CPQ: variants seen among roughly 807,000 people sequenced by gnomAD.
CPQ encodes the protein carboxypeptidase Q, also known as Ser-Met dipeptidase.
CPQ carries 37 observed loss-of-function variants against 45.7 expected under a neutral mutation model. The ratio of observed to expected loss-of-function variants is 0.81; its 90% CI spans 0.62 to 1.07. The LOEUF (loss-of-function observed/expected upper bound fraction) is 1.07, where lower values mean the gene tolerates loss of function less well. Ranked by LOEUF, CPQ falls within the 50% of genes least tolerant of loss-of-function variation. The probability of loss-of-function intolerance (pLI) is 0.00; values close to 1 mark genes in which losing one functional copy is unlikely to be tolerated. For missense variants in CPQ, 537 were observed against 572.9 expected (o/e 0.94, Z 0.64); for synonymous variants, 186 against 205.8 (o/e 0.90, Z 0.82).
intron 1 of CPQ, among the ~76,000 whole-genome samples, chr8:96,741,451 G>C (rs1810090431): frequency 6.6e-6 from 1 of 152,060 alleles, no homozygotes; most frequent in African/African-American, 2.4e-5. Flanking sequence ...ATTTTTTGAA[G>C]GGTTTTTTGT....
intron 1 of CPQ, among the ~76,000 whole-genome samples, chr8:96,717,062 T>A (rs1398648424): frequency 9.5e-6 from 1 of 104,776 alleles, no homozygotes; most frequent in African/African-American, 4.7e-5. Context: ...TATATATATA[T>A]ATATATATAT....
chr8:96,902,400 C>T (rs906612260), intron 4 of CPQ, among the ~76,000 whole-genome samples: 4 of 152,182 alleles, frequency 2.6e-5, no homozygotes, highest in African/African-American at 9.6e-5. Flanking sequence ...GACTTCAAAC[C>T]TCGATAGACT....
chr8:96,853,042 T>G lies in CPQ; in HGVS notation c.641+17862T>G, dbSNP rs552444387. Reference sequence around the variant, plus strand: ...TCTTAATTGTGAGCCCTAAACTGATTGTGTAATTCCAGTTGTTTACTAAAA... The same window carrying G: ...TCTTAATTGTGAGCCCTAAACTGATGGTGTAATTCCAGTTGTTTACTAAAA... On this transcript the variant is annotated intron_variant, in intron 3 of 7. Transcript: ENST00000220763. Among the ~76,000 whole-genome samples, 8 of 152,354 alleles carry G rather than the reference T, an allele frequency of 5.3e-5. No individual in the cohort carries two copies. In the East Asian group the frequency reaches 1.5e-3, roughly 29 times the overall value.
chr8:96,796,269 T>C (rs1183884849), intron 2 of CPQ, among the ~76,000 whole-genome samples: 2 of 152,200 alleles, frequency 1.3e-5, no homozygotes, highest in Non-Finnish European at 2.9e-5. Flanking sequence ...AATATTTTCA[T>C]ATGTTTACTG....
At chr8:96,946,091 G>GTA (rs1215694221) in intron 4 of CPQ, among the ~76,000 whole-genome samples, 1 of 151,848 alleles carries the variant, frequency 6.6e-6, no homozygotes, top group Non-Finnish European at 1.5e-5. Flanking sequence ...TTGTGAAAAG[G>GTA]TATATCCCTG....
chr8:96,692,228 T>C (rs964855384), intron 1 of CPQ, among the ~76,000 whole-genome samples: 1 of 152,196 alleles, frequency 6.6e-6, no homozygotes, highest in African/African-American at 2.4e-5. Context: ...TGAATTACAG[T>C]AGGCTTTCAG....
intron 5 of CPQ, among the ~76,000 whole-genome samples, chr8:97,018,117 T>G (rs928533983): frequency 3.9e-5 from 6 of 152,108 alleles, no homozygotes; most frequent in South Asian, 2.1e-4. Context: ...GCTGGGAGGC[T>G]AGATCCAGAA....
chr8:96,850,827 T>A (rs1811761681), intron 3 of CPQ, among the ~76,000 whole-genome samples: 1 of 152,122 alleles, frequency 6.6e-6, no homozygotes, highest in East Asian at 1.9e-4. Context: ...CAGGCTGGTC[T>A]GGAACTCCTG....
At chr8:96,930,561 C>G (rs537911272) in intron 4 of CPQ, among the ~76,000 whole-genome samples, 2 of 152,128 alleles carry the variant, frequency 1.3e-5, no homozygotes, top group African/African-American at 4.8e-5. Context: ...TTTTAAACCA[C>G]GTATTTTACT....
intron 4 of CPQ, among the ~76,000 whole-genome samples, chr8:96,901,592 C>T (rs1812512284): frequency 1.3e-5 from 2 of 152,182 alleles, no homozygotes; most frequent in Admixed American, 1.3e-4. Flanking sequence ...GTGTAAAGCT[C>T]ATGCAGTAGA....
rs76404898 is a variant in CPQ at position 97,134,644 on chromosome 8, C to T, written c.1256-8376C>T. Among the ~76,000 whole-genome samples, 1,144 of 152,322 alleles carry T rather than the reference C, an allele frequency of 7.5e-3. 10 individuals are homozygous for T. The highest frequency in any genetic ancestry group is 0.011 in the Non-Finnish European group (782 of 68,022). On this transcript the variant is annotated intron_variant, in intron 7 of 7. Coordinates refer to ENST00000220763, the MANE Select transcript of CPQ (RefSeq NM_016134.4). ...AGAGCTGCAAATGAAGCAAGTCATG[C>T]AAATGGTTTCCCACTGGAGAAAAGG... is the stretch of plus-strand genomic sequence containing the variant.
At chr8:97,103,969 A>T (rs915748662) in intron 7 of CPQ, among the ~76,000 whole-genome samples, 35 of 152,150 alleles carry the variant, frequency 2.3e-4, no homozygotes, top group African/African-American at 8.2e-4. Flanking sequence ...CTAGTGAGAA[A>T]CACTGAGTGC....
intron 3 of CPQ, among the ~76,000 whole-genome samples, chr8:96,861,791 C>T (rs1811930037): frequency 6.6e-6 from 1 of 152,130 alleles, no homozygotes; most frequent in African/African-American, 2.4e-5. Context: ...TAGAGAGAGG[C>T]CAGGCTGGGA....
chr8:96,896,230 C>T (rs1173616621), intron 4 of CPQ, among the ~76,000 whole-genome samples: 1 of 152,094 alleles, frequency 6.6e-6, no homozygotes, highest in Non-Finnish European at 1.5e-5. Flanking sequence ...CCACCCTAAC[C>T]AATACTCCTT....
At chr8:96,993,662 C>T (rs1011729092) in intron 5 of CPQ, among the ~76,000 whole-genome samples, 4 of 152,136 alleles carry the variant, frequency 2.6e-5, no homozygotes, top group African/African-American at 9.6e-5. Flanking sequence ...AAATTTTATA[C>T]ACGATATTAT....
chr8:96,661,469 A>G (rs1361016260), intron 1 of CPQ, among the ~76,000 whole-genome samples: 1 of 152,076 alleles, frequency 6.6e-6, no homozygotes, highest in African/African-American at 2.4e-5. Flanking sequence ...CACTCCTGGC[A>G]ACTACTGATC....
intron 4 of CPQ, among the ~76,000 whole-genome samples, chr8:96,907,633 A>G (rs1812595816): frequency 6.6e-6 from 1 of 152,060 alleles, no homozygotes; most frequent in South Asian, 2.1e-4. Flanking sequence ...CAGAGCTACT[A>G]CTGTGCTGTG....
At chr8:97,048,925 TC>T (rs552841900) in intron 6 of CPQ, among the ~76,000 whole-genome samples, 2 of 152,304 alleles carry the variant, frequency 1.3e-5, no homozygotes, top group Non-Finnish European at 2.9e-5. Flanking sequence ...AACATCTTTT[TC>T]TGAATCACCA....
chr8:97,109,059 T>C (rs1390588315), intron 7 of CPQ, among the ~76,000 whole-genome samples: 1 of 152,194 alleles, frequency 6.6e-6, no homozygotes, highest in Non-Finnish European at 1.5e-5. Flanking sequence ...TTGATCCACA[T>C]TGCCTCATAC....
Sources: allele counts gnomAD v4.1 joint callset (sites outside exome capture counted in the v4.1 genomes callset), GRCh38; gene constraint gnomAD v4.1.1; transcripts MANE v1.5; gene names NCBI Gene and HGNC (gene_info 2026-07-23, HGNC 2026-07-21).